Variants in ABTB3 observed in about 807,000 individuals in gnomAD.
The protein encoded by ABTB3 is ankyrin repeat and BTB domain containing 3, also known as ankyrin repeat- and BTB/POZ domain-containing protein 3.
the ABTB3 span, among the ~76,000 whole-genome samples, chr12:107,409,681 AAC>A: frequency 6.6e-6 from 1 of 152,174 alleles, no homozygotes; most frequent in Non-Finnish European, 1.5e-5. Context: ...GGAGAGGAAC[AAC>A]ACACACTGGG....
the ABTB3 span, among the ~76,000 whole-genome samples, chr12:107,380,314 C>T: frequency 5.9e-5 from 9 of 152,234 alleles, no homozygotes; most frequent in Admixed American, 2.6e-4. Flanking sequence ...GGATTAGGGA[C>T]GGAGTGCCTT....
chr12:107,658,519 C>T, the ABTB3 span: 8 of 152,564 alleles, frequency 5.2e-5, no homozygotes, highest in Admixed American at 1.3e-4. Context: ...GCATGCTAAT[C>T]GTGGTTTCGG....
At chr12:107,394,233 G>GA in the ABTB3 span, among the ~76,000 whole-genome samples, 1 of 151,938 alleles carries the variant, frequency 6.6e-6, no homozygotes, top group Non-Finnish European at 1.5e-5. Flanking sequence ...TGACAGAGGG[G>GA]AAAAAAAGCC....
chr12:107,576,755 C>T, the ABTB3 span, among the ~76,000 whole-genome samples: 1 of 152,136 alleles, frequency 6.6e-6, no homozygotes, highest in Non-Finnish European at 1.5e-5. Context: ...GGTTCCATAC[C>T]TACTCCGCAC....
chr12:107,425,219 A>G, the ABTB3 span, among the ~76,000 whole-genome samples: 2 of 152,118 alleles, frequency 1.3e-5, no homozygotes, highest in Non-Finnish European at 2.9e-5. Flanking sequence ...CCTCCACCGG[A>G]GTGCCATTTT....
the ABTB3 span, among the ~76,000 whole-genome samples, chr12:107,431,537 C>T: frequency 3.3e-5 from 5 of 152,000 alleles, no homozygotes; most frequent in East Asian, 1.9e-4. Flanking sequence ...TAAACCTGGG[C>T]GGCGGAGGTT....
the ABTB3 span, among the ~76,000 whole-genome samples, chr12:107,494,516 C>G: frequency 5.3e-5 from 8 of 152,174 alleles, no homozygotes; most frequent in East Asian, 1.5e-3. Context: ...CCAGCCTAGA[C>G]CGGGTATGGC....
the ABTB3 span, among the ~76,000 whole-genome samples, chr12:107,529,590 T>C: frequency 6.6e-6 from 1 of 152,242 alleles, no homozygotes; most frequent in African/African-American, 2.4e-5. Flanking sequence ...CATTTCTTCA[T>C]TTAATACTAT....
chr12:107,389,842 GTGTT>G, the ABTB3 span, among the ~76,000 whole-genome samples: 585 of 58,310 alleles, frequency 0.01, 3 homozygotes, highest in Admixed American at 0.023. Flanking sequence ...GCATGTGTGT[GTGTT>G]TGTGTGTGTG....
At chr12:107,610,080 CAATT>C in the ABTB3 span, 1 of 1,309,946 alleles carries the variant, frequency 7.6e-7, no homozygotes, top group Non-Finnish European at 1.1e-6. Context: ...TAGGAACAGG[CAATT>C]TACATGAAAA....
At chr12:107,525,897 T>C in the ABTB3 span, among the ~76,000 whole-genome samples, 1 of 152,234 alleles carries the variant, frequency 6.6e-6, no homozygotes, top group African/African-American at 2.4e-5. Context: ...ATTTCACAGA[T>C]AAGCAAACTG....
chr12:107,330,006 A>C, the ABTB3 span, among the ~76,000 whole-genome samples: 1 of 152,196 alleles, frequency 6.6e-6, no homozygotes, highest in Non-Finnish European at 1.5e-5. Flanking sequence ...TTCACTAAGG[A>C]AATGGGGAAG....
the ABTB3 span, among the ~76,000 whole-genome samples, chr12:107,389,846 T>TTG: frequency 1.7e-3 from 238 of 141,572 alleles, 1 homozygote; most frequent in South Asian, 8.5e-3. Flanking sequence ...GTGTGTGTGT[T>TTG]TGTGTGTGTG....
At chr12:107,412,310 A>T in the ABTB3 span, among the ~76,000 whole-genome samples, 1 of 152,186 alleles carries the variant, frequency 6.6e-6, no homozygotes, top group Non-Finnish European at 1.5e-5. Context: ...AGCTTGCCCA[A>T]GGCCCCACAG....
the ABTB3 span, among the ~76,000 whole-genome samples, chr12:107,459,890 GC>G: frequency 6.6e-6 from 1 of 152,274 alleles, no homozygotes; most frequent in South Asian, 2.1e-4. Context: ...TGGCCCTCCC[GC>G]CCTGCAGACA....
chr12:107,495,064 G>C, the ABTB3 span, among the ~76,000 whole-genome samples: 1 of 152,188 alleles, frequency 6.6e-6, no homozygotes, highest in African/African-American at 2.4e-5. Flanking sequence ...GGGGTGGCCA[G>C]GACGCCCAGC....
the ABTB3 span, among the ~76,000 whole-genome samples, chr12:107,442,624 G>T: frequency 0.016 from 2,511 of 152,210 alleles, 51 homozygotes; most frequent in African/African-American, 0.051. Context: ...AGTTAGTAAT[G>T]GTTCCAGGAT....
chr12:107,379,908 A>T, the ABTB3 span, among the ~76,000 whole-genome samples: 1 of 152,176 alleles, frequency 6.6e-6, no homozygotes, highest in East Asian at 1.9e-4. Context: ...AAGTTCCTTA[A>T]CTGAACGATG....
At chr12:107,597,155 G>A in the ABTB3 span, among the ~76,000 whole-genome samples, 1 of 152,206 alleles carries the variant, frequency 6.6e-6, no homozygotes, top group Non-Finnish European at 1.5e-5. Flanking sequence ...TGAGTCTGTA[G>A]ACTCTAACAT....
Sources: allele counts gnomAD v4.1 joint callset (sites outside exome capture counted in the v4.1 genomes callset), GRCh38; gene constraint gnomAD v4.1.1; transcripts MANE v1.5; gene names NCBI Gene and HGNC (gene_info 2026-07-23, HGNC 2026-07-21).